Variants in ENOSF1 observed in about 807,000 individuals in gnomAD.
ENOSF1 encodes enolase superfamily member 1.
ENOSF1 carries 73 observed loss-of-function variants against 68.2 expected under a neutral mutation model. That is an observed-to-expected ratio of 1.07 (90% CI 0.89 to 1.30). ENOSF1 has a LOEUF of 1.30. ENOSF1 is among the 50% of genes most tolerant of loss of function. The pLI, the probability that ENOSF1 is intolerant of heterozygous loss-of-function variation, is 0.00. For synonymous variants in ENOSF1, 223 were observed against 210.4 expected (o/e 1.06, Z -0.52); for missense variants, 589 against 554.5 (o/e 1.06, Z -0.62).
In ENOSF1 at chr18:670,509, T is replaced by C. The variant is rs1241401966; in HGVS notation, c.*3796A>G. On this transcript the variant is annotated 3_prime_UTR_variant, in exon 16 of 16. Transcript: ENST00000647584. ...CCTGCAGAAACCTTGCACCGATGGA[T>C]AGTCTCCCTCAGCTCCGTGCCATCG... is the stretch of plus-strand genomic sequence containing the variant. 3.3e-6 allele frequency: 2 copies of C among 609,718 alleles called. No individual in the cohort carries two copies. The highest frequency in any genetic ancestry group is 5.7e-6 in the Non-Finnish European group (2 of 349,902). The allele number at this position is 609,718 out of a possible 1,614,324, so 37.8% of individuals were successfully genotyped here. A position where few individuals can be genotyped will look rare whatever the true frequency, so the allele number is the denominator to read the frequency against.
intron 11 of ENOSF1, chr18:682,901 AC>A (rs1350707573): frequency 4.9e-4 from 96 of 194,712 alleles, no homozygotes; most frequent in African/African-American, 1.8e-3. Flanking sequence ...ACAAAACAAA[AC>A]AAAAAAAACC....
chr18:674,511 G>A, intron 15 of ENOSF1, 105 bp from the exon 16 acceptor site: 3 of 718,618 alleles, frequency 4.2e-6, no homozygotes, highest in Middle Eastern at 2.5e-4. Context: ...CTAAGCCAGA[G>A]GCAATTAATT....
Position 674,196 on chromosome 18 carries a change from G to A in ENOSF1, c.*109C>T, listed in dbSNP as rs2075233793. ...CCTGAGGGTGGTATGACTTCTAGCT[G>A]AACTCATCTTGATCGGTAGGATTTT... On this transcript the variant is annotated 3_prime_UTR_variant, in exon 16 of 16. Transcript: ENST00000647584. 1 of 743,742 alleles carries A rather than the reference G, an allele frequency of 1.3e-6. No homozygotes were observed. Among genetic ancestry groups the A allele is most frequent in the Non-Finnish European group, 2.3e-6 (1 of 440,980 alleles). The allele number at this position is 743,742 out of a possible 1,614,324, so 46.1% of individuals were successfully genotyped here. A position where few individuals can be genotyped will look rare whatever the true frequency, so the allele number is the denominator to read the frequency against.
intron 5 of ENOSF1, chr18:691,482 A>C (rs1267838952): frequency 3.7e-6 from 2 of 535,326 alleles, no homozygotes; most frequent in Admixed American, 3.4e-5. Context: ...AGTAGCTGGG[A>C]CTCCAGGTAT....
chr18:670,996 A>C lies in ENOSF1; in HGVS notation c.*3309T>G. ...TAAATTTGATATGTGTAAGTAAGAA[A>C]TGAACCAGCTTTTACTTTGAAACCT... On this transcript the variant is annotated 3_prime_UTR_variant, in exon 16 of 16. Coordinates refer to ENST00000647584, the MANE Select transcript of ENOSF1 (RefSeq NM_017512.7). 9.0e-7 allele frequency: 1 copy of C among 1,107,736 alleles called. No individual in the cohort carries two copies. Among genetic ancestry groups the C allele is most frequent in the Non-Finnish European group, 1.3e-6 (1 of 790,726 alleles). 68.6% of individuals were successfully genotyped at this position (1,107,736 alleles called of 1,614,324 possible).
intron 2 of ENOSF1, among the ~76,000 whole-genome samples, chr18:705,367 T>TA: frequency 6.6e-6 from 1 of 152,346 alleles, no homozygotes; most frequent in African/African-American, 2.4e-5. Context: ...AAGTATTATG[T>TA]ATTCAAAAAG....
chr18:708,338 T>C (rs997984448), intron 1 of ENOSF1, among the ~76,000 whole-genome samples: 7 of 151,994 alleles, frequency 4.6e-5, no homozygotes, highest in African/African-American at 1.7e-4. Flanking sequence ...GCTAGGGGGT[T>C]ACAGATACGT....
At chr18:700,408 A>G (rs891960286) in intron 2 of ENOSF1, among the ~76,000 whole-genome samples, 2 of 152,228 alleles carry the variant, frequency 1.3e-5, no homozygotes, top group Non-Finnish European at 2.9e-5. Context: ...GATTGTTGCT[A>G]TAAATCATTG....
rs192908721 is a variant in ENOSF1 at position 695,297 on chromosome 18, G to A, written c.310-963C>T. On this transcript the variant is annotated intron_variant, in intron 3 of 15. Coordinates refer to ENST00000647584, the MANE Select transcript of ENOSF1 (RefSeq NM_017512.7). ...ACTAGATTCAGGTAATACATTTTTT[G>A]GCATCAATACTACATAAGTGATTAT... Among the ~76,000 whole-genome samples, 30 of 152,142 alleles carry A rather than the reference G, an allele frequency of 2.0e-4. No individual in the cohort carries two copies. In the East Asian group the frequency reaches 5.8e-3, roughly 29 times the overall value.
At chr18:693,802 T>C in intron 5 of ENOSF1, 80 bp downstream of exon 5, 2 of 1,600,784 alleles carry the variant, frequency 1.2e-6, no homozygotes, top group Admixed American at 1.7e-5. Context: ...TGAATATATT[T>C]ACTGATCATC....
chr18:704,578 T>C (rs149475446), intron 2 of ENOSF1, among the ~76,000 whole-genome samples: 225 of 151,942 alleles, frequency 1.5e-3, no homozygotes, highest in African/African-American at 5.1e-3. Context: ...CGTGTGCTCC[T>C]TGTATGTGGG....
intron 5 of ENOSF1, chr18:693,273 T>C: frequency 8.6e-6 from 11 of 1,280,524 alleles, no homozygotes; most frequent in Non-Finnish European, 1.1e-5. Flanking sequence ...CAGTAGAGGC[T>C]ACAATGGCCT....
chr18:666,824 G>C (rs1203398739), downstream of ENOSF1, among the ~76,000 whole-genome samples: 1 of 152,280 alleles, frequency 6.6e-6, no homozygotes, highest in Non-Finnish European at 1.5e-5. Context: ...CTGGGGAACA[G>C]GGAGGAATGG....
At chr18:711,740 T>C (rs1472543277) in intron 1 of ENOSF1, among the ~76,000 whole-genome samples, 1 of 152,222 alleles carries the variant, frequency 6.6e-6, no homozygotes, top group African/African-American at 2.4e-5. Flanking sequence ...CCTTACTTTA[T>C]TACATCTCTT....
Position 673,156 on chromosome 18 carries a change from ATG to A in ENOSF1, c.*1147_*1148del. ...TTTTTAAGGATGTTGCCACTGGCAA[ATG>A]TAACTGTGCCAGTTCTTTCCATAAT... On this transcript the variant is annotated 3_prime_UTR_variant, in exon 16 of 16. Transcript: ENST00000647584. 1.4e-6 allele frequency: 1 copy of A among 728,084 alleles called. No individual in the cohort carries two copies. The highest frequency in any genetic ancestry group is 2.1e-6 in the Non-Finnish European group (1 of 482,272). 45.1% of individuals were successfully genotyped at this position (728,084 alleles called of 1,614,324 possible).
At chr18:691,398 T>C (rs2077154122) in intron 5 of ENOSF1, 122 bp from the exon 6 acceptor site, 3 of 753,632 alleles carry the variant, frequency 4.0e-6, no homozygotes, top group Non-Finnish European at 6.5e-6. Flanking sequence ...CAGGCTGGAG[T>C]GCAGTGATGC....
chr18:693,971 G>C, intron 4 of ENOSF1, 63 bp from the exon 5 acceptor site: 2 of 1,538,136 alleles, frequency 1.3e-6, no homozygotes, highest in Non-Finnish European at 1.7e-6. Context: ...TTTCCTGACA[G>C]TAAACGCGTT....
At chr18:689,960 A>C (rs2076984384) in intron 8 of ENOSF1, among the ~76,000 whole-genome samples, 1 of 152,006 alleles carries the variant, frequency 6.6e-6, no homozygotes, top group African/African-American at 2.4e-5. Context: ...CTAAATACTG[A>C]AGCCTCCATA....
At chr18:670,048 T>A (rs920763389), downstream of ENOSF1, among the ~76,000 whole-genome samples, 9 of 58,266 alleles carry the variant, frequency 1.5e-4, no homozygotes, top group African/African-American at 3.6e-4. Context: ...GAGACTTATT[T>A]TTTTTTTTTT....
Sources: allele counts gnomAD v4.1 joint callset (sites outside exome capture counted in the v4.1 genomes callset), GRCh38; gene constraint gnomAD v4.1.1; transcripts MANE v1.5; gene names NCBI Gene and HGNC (gene_info 2026-07-23, HGNC 2026-07-21).